The following PARVB variants were observed in gnomAD, a reference collection of about 807,000 sequenced individuals.
PARVB encodes the protein beta-parvin.
In PARVB, 46 loss-of-function variants were observed where a neutral mutation model predicts 47.0. That is an observed-to-expected ratio of 0.98 (90% confidence interval 0.77 to 1.25). The LOEUF (loss-of-function observed/expected upper bound fraction) is 1.25. PARVB is among the 50% of genes most tolerant of loss of function. The pLI is 0.00. For missense variants in PARVB, 473 were observed against 471.6 expected, an observed-to-expected ratio of 1.00 and a Z score of -0.03; for synonymous variants, 196 against 196.3, an observed-to-expected ratio of 1.00 and a Z score of 0.01.
upstream of PARVB, among the ~76,000 whole-genome samples, chr22:44,023,028 C>T (rs910392239): frequency 1.6e-4 from 25 of 151,862 alleles, 1 homozygote; most frequent in African/African-American, 6.0e-4. Context: ...ATTACAGGTG[C>T]GAGCCACTGC....
intron 1 of PARVB, among the ~76,000 whole-genome samples, chr22:44,072,594 T>C (rs130316): frequency 0.71 from 108,450 of 151,946 alleles, 39,410 homozygotes; most frequent in East Asian, 0.87. Context: ...GTGCATGCCA[T>C]CATGCCTAGC....
intron 3 of PARVB, chr22:44,105,951 C>A (rs1030194839): frequency 6.6e-6 from 1 of 152,204 alleles, no homozygotes; most frequent in African/African-American, 2.4e-5. Flanking sequence ...GCCTCAGCCT[C>A]CCAAGTAAAT....
At chr22:44,048,857 G>T (rs1045742680) in intron 1 of PARVB, among the ~76,000 whole-genome samples, 12 of 152,300 alleles carry the variant, frequency 7.9e-5, no homozygotes, top group African/African-American at 2.9e-4. Flanking sequence ...ACTGTGCCTG[G>T]CCTAATTTTT....
chr22:44,121,377 G>A (rs2053043770), intron 4 of PARVB, among the ~76,000 whole-genome samples: 1 of 152,084 alleles, frequency 6.6e-6, no homozygotes, highest in African/African-American at 2.4e-5. Flanking sequence ...CACCCATGAT[G>A]CGCTCCCCAT....
chr22:44,008,387 G>C (rs2050488361), intron 2 of PARVB, among the ~76,000 whole-genome samples: 1 of 152,098 alleles, frequency 6.6e-6, no homozygotes, highest in East Asian at 1.9e-4. Flanking sequence ...TGGGATTTCA[G>C]GCGTGAGCCA....
In PARVB at chr22:44,138,269, C is replaced by T. The variant is rs114969575; in HGVS notation, c.692+1751C>T. On this transcript the variant is annotated intron_variant, in intron 7 of 12. Coordinates refer to ENST00000338758, the MANE Select transcript of PARVB (RefSeq NM_013327.5). ...ACACAGGGGCTTGTGGGAAGTGCCT[C>T]GGGGCCCTAAGGGAATTTCCAGGAG... 2.2e-3 allele frequency among the ~76,000 whole-genome samples: 334 copies of T among 152,162 alleles called. 1 individual carries two copies. Among genetic ancestry groups the T allele is most frequent in the African/African-American group, 7.9e-3 (328 of 41,514 alleles).
chr22:44,034,094 T>A (rs1044083037), intron 1 of PARVB, among the ~76,000 whole-genome samples: 1 of 150,914 alleles, frequency 6.6e-6, no homozygotes, highest in Non-Finnish European at 1.5e-5. Context: ...TATATGAACA[T>A]ACAAATAAAA....
At chr22:44,087,927 C>T (rs1232051499) in intron 1 of PARVB, among the ~76,000 whole-genome samples, 1 of 142,830 alleles carries the variant, frequency 7.0e-6, no homozygotes, top group East Asian at 2.1e-4. Context: ...CGCACATATT[C>T]CACCATTATA....
intron 12 of PARVB, among the ~76,000 whole-genome samples, chr22:44,165,980 A>G (rs2054158890): frequency 1.3e-5 from 2 of 152,114 alleles, no homozygotes; most frequent in Admixed American, 1.3e-4. Context: ...GGCTTCCTTT[A>G]GTTTCCTGTA....
chr22:44,020,549 A>G (rs8142117), upstream of PARVB, among the ~76,000 whole-genome samples: 57,442 of 151,972 alleles, frequency 0.38, 14,250 homozygotes, highest in African/African-American at 0.72. Flanking sequence ...ATAAATTGAG[A>G]TTCTTACCCC....
chr22:44,153,249 G>GA (rs2053848633), intron 10 of PARVB: 1 of 152,172 alleles, frequency 6.6e-6, no homozygotes, highest in African/African-American at 2.4e-5. Context: ...TTTTTCTGGA[G>GA]ACCTCCCCCT....
intron 2 of PARVB, among the ~76,000 whole-genome samples, chr22:44,013,624 G>C (rs137882217): frequency 3.2e-3 from 482 of 152,230 alleles, no homozygotes; most frequent in Middle Eastern, 6.8e-3. Flanking sequence ...ATGTTTTGGA[G>C]ATACACTACA....
intron 1 of PARVB, among the ~76,000 whole-genome samples, chr22:44,037,998 T>C (rs2050950732): frequency 6.6e-6 from 1 of 152,218 alleles, no homozygotes; most frequent in Non-Finnish European, 1.5e-5. Context: ...GGCCTGGCCA[T>C]GGGGTCTTCG....
At chr22:44,014,487 G>A (rs2050556520) in intron 2 of PARVB, among the ~76,000 whole-genome samples, 1 of 152,158 alleles carries the variant, frequency 6.6e-6, no homozygotes, top group Admixed American at 6.5e-5. Flanking sequence ...GCATATGTGG[G>A]GAGCATATTA....
At chr22:44,077,474 T>C (rs1041399964) in intron 1 of PARVB, among the ~76,000 whole-genome samples, 4 of 152,094 alleles carry the variant, frequency 2.6e-5, no homozygotes, top group African/African-American at 9.7e-5. Context: ...GGGGCCAGAC[T>C]CCAGTGTGCC....
intron 9 of PARVB, chr22:44,149,747 G>A (rs2053761577): frequency 6.6e-6 from 1 of 151,502 alleles, no homozygotes; most frequent in Non-Finnish European, 1.5e-5. Context: ...TTACATCACA[G>A]GCCCTTTGGC....
rs535418234 is a variant in PARVB at position 44,024,577 on chromosome 22, C to T, written c.112+126C>T. 2.4e-3 allele frequency: 843 copies of T among 348,024 alleles called. 14 individuals carry two copies. The South Asian group carries it at 0.025, about 10-fold the overall frequency. 21.6% of individuals were successfully genotyped at this position (348,024 alleles called of 1,614,324 possible). A position where few individuals can be genotyped will look rare whatever the true frequency, so the allele number is the denominator to read the frequency against. ...ACCCCGCCCGGCCCACGCGGCTGCG[C>T]GACCTTCGGGACAGGCCAGGCCTTT... On this transcript the variant is annotated intron_variant, in intron 1 of 12. Coordinates refer to ENST00000338758, the MANE Select transcript of PARVB (RefSeq NM_013327.5).
intron 4 of PARVB, among the ~76,000 whole-genome samples, chr22:44,122,530 G>GAGAC (rs1569134360): frequency 2.5e-5 from 2 of 80,290 alleles, no homozygotes; most frequent in South Asian, 4.0e-4. Flanking sequence ...CAGAGAGACA[G>GAGAC]AGAGAGAGAG....
chr22:44,097,189 T>G (rs929741603), intron 2 of PARVB, among the ~76,000 whole-genome samples: 9 of 152,204 alleles, frequency 5.9e-5, no homozygotes, highest in Non-Finnish European at 1.3e-4. Context: ...CACAGCCCTT[T>G]TCTTCTCTCC....
Sources: allele counts gnomAD v4.1 joint callset (sites outside exome capture counted in the v4.1 genomes callset), GRCh38; gene constraint gnomAD v4.1.1; transcripts MANE v1.5; gene names NCBI Gene and HGNC (gene_info 2026-07-23, HGNC 2026-07-21).